The following ZBTB20 variants were observed in gnomAD, a reference collection of about 807,000 sequenced individuals.
ZBTB20 encodes zinc finger and BTB domain-containing protein 20.
In ZBTB20, 9 loss-of-function variants were observed where a neutral mutation model predicts 56.9. The observed-to-expected ratio is 0.16, with a 90% CI of 0.10 to 0.28. ZBTB20 has a LOEUF of 0.28. ZBTB20 is among the 10% of genes least tolerant of loss of function. ZBTB20 has a pLI of 1.00. For synonymous variants in ZBTB20, 417 were observed against 420.7 expected (o/e 0.99, Z 0.11); for missense variants, 655 against 1,003.0 (o/e 0.65, Z 4.69).
chr3:115,024,970 G>C (rs1345440154), intron 2 of ZBTB20, among the ~76,000 whole-genome samples: 1 of 150,868 alleles, frequency 6.6e-6, no homozygotes, highest in South Asian at 2.1e-4. Context: ...TAAGTTCAGG[G>C]GTACAAGTAC....
chr3:115,000,148 T>C (rs2079190641), intron 2 of ZBTB20, among the ~76,000 whole-genome samples: 1 of 151,644 alleles, frequency 6.6e-6, no homozygotes, highest in South Asian at 2.1e-4. Context: ...GGCACTGTTA[T>C]CAAATAGTTG....
At chr3:114,800,867 A>G (rs1247204068) in intron 5 of ZBTB20, among the ~76,000 whole-genome samples, 2 of 151,828 alleles carry the variant, frequency 1.3e-5, no homozygotes, top group Admixed American at 1.3e-4. Context: ...ACCCTCCCTA[A>G]TGAAATTCAA....
intron 3 of ZBTB20, chr3:114,931,072 C>A: frequency 5.8e-6 from 1 of 171,732 alleles, no homozygotes. Flanking sequence ...GGCGAAGGTT[C>A]CTGCCTTACT....
intron 6 of ZBTB20, among the ~76,000 whole-genome samples, chr3:114,630,096 T>C (rs965876260): frequency 8.5e-5 from 13 of 152,144 alleles, no homozygotes; most frequent in Non-Finnish European, 4.4e-5. Context: ...GCTGTGTTCA[T>C]GCCACTGCAT....
At chr3:114,976,111 C>T (rs567942077) in intron 2 of ZBTB20, among the ~76,000 whole-genome samples, 2 of 152,292 alleles carry the variant, frequency 1.3e-5, no homozygotes, top group African/African-American at 4.8e-5. Flanking sequence ...TTCTTCCATT[C>T]AATATTCATT....
At chr3:114,829,747 C>T (rs1320865815) in intron 4 of ZBTB20, among the ~76,000 whole-genome samples, 1 of 151,794 alleles carries the variant, frequency 6.6e-6, no homozygotes, top group Non-Finnish European at 1.5e-5. Flanking sequence ...GGCGTGCTAT[C>T]CCATGCCATG....
intron 6 of ZBTB20, among the ~76,000 whole-genome samples, chr3:114,639,868 T>C (rs1181526729): frequency 6.6e-6 from 1 of 152,014 alleles, no homozygotes; most frequent in Admixed American, 6.6e-5. Flanking sequence ...GGATGGCACA[T>C]AGCAATAGGT....
At chr3:114,718,929 G>A (rs1186439127) in intron 5 of ZBTB20, among the ~76,000 whole-genome samples, 1 of 151,890 alleles carries the variant, frequency 6.6e-6, no homozygotes, top group Non-Finnish European at 1.5e-5. Context: ...TATTTTGTAT[G>A]TGTGTGAGCT....
At chr3:114,932,887 T>C (rs745766308) in intron 3 of ZBTB20, among the ~76,000 whole-genome samples, 5 of 152,076 alleles carry the variant, frequency 3.3e-5, no homozygotes, top group South Asian at 2.1e-4. Context: ...TTTTGAACAA[T>C]AGATTGCAGC....
At chr3:114,977,056 C>A (rs1224134131) in intron 2 of ZBTB20, among the ~76,000 whole-genome samples, 2 of 151,400 alleles carry the variant, frequency 1.3e-5, no homozygotes, top group East Asian at 1.9e-4. Context: ...TGGCTAGGGC[C>A]AAGAAGTCAT....
intron 3 of ZBTB20, among the ~76,000 whole-genome samples, chr3:114,952,983 T>C (rs1235293003): frequency 6.6e-6 from 1 of 152,070 alleles, no homozygotes; most frequent in Non-Finnish European, 1.5e-5. Context: ...TTTGGGTTCT[T>C]TAAAACATGT....
chr3:115,036,800 T>G (rs536280465), intron 2 of ZBTB20, among the ~76,000 whole-genome samples: 2 of 152,160 alleles, frequency 1.3e-5, no homozygotes, highest in Non-Finnish European at 2.9e-5. Flanking sequence ...CTTGAAGAGA[T>G]AGCATTAACC....
intron 10 of ZBTB20, among the ~76,000 whole-genome samples, chr3:114,355,100 AAAAG>A (rs1423864986): frequency 6.6e-6 from 1 of 152,212 alleles, no homozygotes; most frequent in African/African-American, 2.4e-5. Context: ...CAGCAGAGAA[AAAAG>A]AAAGACACTG....
intron 1 of ZBTB20, among the ~76,000 whole-genome samples, chr3:115,079,930 C>T (rs558798616): frequency 3.4e-4 from 52 of 152,184 alleles, no homozygotes; most frequent in Middle Eastern, 3.4e-3. Context: ...TAGGTGTTTA[C>T]GATATGATCT....
chr3:114,455,357 A>C (rs1234100071), intron 7 of ZBTB20, among the ~76,000 whole-genome samples: 3 of 152,142 alleles, frequency 2.0e-5, no homozygotes. Flanking sequence ...GTACTGACAA[A>C]TCCTCAAAGG....
chr3:114,614,999 C>T (rs960005626), intron 6 of ZBTB20, among the ~76,000 whole-genome samples: 1 of 152,170 alleles, frequency 6.6e-6, no homozygotes, highest in Non-Finnish European at 1.5e-5. Flanking sequence ...CTCAGGTGAT[C>T]TGCCTGCCTC....
At chr3:114,401,492 G>A (rs768718374) in intron 7 of ZBTB20, among the ~76,000 whole-genome samples, 1 of 152,054 alleles carries the variant, frequency 6.6e-6, no homozygotes, top group African/African-American at 2.4e-5. Flanking sequence ...ACCAGAGAGT[G>A]ATATTCCAAA....
Position 114,795,676 on chromosome 3 carries a change from C to G in ZBTB20, c.-343+5425G>C, listed in dbSNP as rs1052086755. Among the ~76,000 whole-genome samples, 16 of 152,188 alleles carry G rather than the reference C, an allele frequency of 1.1e-4. No individual in the cohort carries two copies. In the South Asian group the frequency reaches 2.1e-3, roughly 20 times the overall value. On this transcript the variant is annotated intron_variant, in intron 5 of 11. Coordinates refer to ENST00000675478, the MANE Select transcript of ZBTB20 (RefSeq NM_001348800.3). ...AAAGGACAGTATAAGAGATTTCCCC[C>G]ACTCAATGTTGTCTTGCATACATAA...
intron 5 of ZBTB20, among the ~76,000 whole-genome samples, chr3:114,744,687 T>C (rs1398837711): frequency 6.6e-6 from 1 of 152,172 alleles, no homozygotes; most frequent in African/African-American, 2.4e-5. Context: ...AGTCACCATA[T>C]AAATGCAGAA....
Sources: gnomAD v4.1 joint callset for allele counts (sites outside exome capture counted in the v4.1 genomes callset) on GRCh38, gnomAD v4.1.1 for gene constraint, MANE v1.5 for transcripts, NCBI Gene and HGNC (gene_info 2026-07-23, HGNC 2026-07-21) for gene names.